SEM1: variants seen among roughly 807,000 people sequenced by gnomAD.
SEM1 encodes 26S proteasome complex subunit SEM1.
Under a neutral mutation model 12.7 loss-of-function variants are expected in SEM1, and 3 were observed. The observed-to-expected ratio is 0.24, with a 90% CI of 0.11 to 0.61. The LOEUF (loss-of-function observed/expected upper bound fraction) is 0.61, where lower values mean the gene tolerates loss of function less well. Ranked by LOEUF, SEM1 falls within the 20% of genes least tolerant of loss-of-function variation. SEM1 has a pLI of 0.88. For synonymous variants in SEM1, 30 were observed against 27.8 expected (o/e 1.08, Z -0.25); for missense variants, 59 against 81.3 (o/e 0.73, Z 1.06).
At chr7:96,565,711 A>T (rs1382385322) in intron 2 of SEM1, among the ~76,000 whole-genome samples, 6 of 151,884 alleles carry the variant, frequency 4.0e-5, no homozygotes, top group Admixed American at 6.6e-5. Context: ...AAAAAGCTTT[A>T]AAAAGAAGAC....
chr7:96,592,738 C>T (rs1032565642), intron 2 of SEM1, among the ~76,000 whole-genome samples: 1 of 151,838 alleles, frequency 6.6e-6, no homozygotes, highest in African/African-American at 2.4e-5. Flanking sequence ...AACAGGGTTT[C>T]AAGCTCCTCT....
chr7:96,572,554 C>T (rs1806071192), intron 2 of SEM1, among the ~76,000 whole-genome samples: 1 of 152,272 alleles, frequency 6.6e-6, no homozygotes, highest in East Asian at 1.9e-4. Context: ...AGTAGTCATT[C>T]AGGAGCAGGT....
At chr7:96,679,203 C>T (rs1789532975) in intron 2 of SEM1, among the ~76,000 whole-genome samples, 1 of 152,052 alleles carries the variant, frequency 6.6e-6, no homozygotes, top group Admixed American at 6.6e-5. Context: ...ACATTGTCAT[C>T]TCTGTGGCTC....
chr7:96,601,211 G>A (rs1047039018), intron 2 of SEM1, among the ~76,000 whole-genome samples: 1 of 152,158 alleles, frequency 6.6e-6, no homozygotes, highest in African/African-American at 2.4e-5. Flanking sequence ...CAGGAACTTG[G>A]AGTTCATTAA....
chr7:96,618,552 T>A (rs2116270524), downstream of SEM1, among the ~76,000 whole-genome samples: 1 of 152,324 alleles, frequency 6.6e-6, no homozygotes, highest in East Asian at 1.9e-4. Context: ...GTAGTCCCAG[T>A]GTCTCAAAGA....
chr7:96,522,629 G>C (rs1037545766), intron 2 of SEM1, among the ~76,000 whole-genome samples: 1 of 151,078 alleles, frequency 6.6e-6, no homozygotes, highest in Admixed American at 6.6e-5. Flanking sequence ...TGTAATCCCA[G>C]CACTTTGGGA....
At chr7:96,552,393 A>C (rs1160370305) in intron 2 of SEM1, among the ~76,000 whole-genome samples, 2 of 151,002 alleles carry the variant, frequency 1.3e-5, no homozygotes, top group African/African-American at 4.9e-5. Flanking sequence ...TCCTGTGTCC[A>C]TGTGATCTCA....
chr7:96,708,244 C>G (rs1232993105), intron 1 of SEM1: 6 of 152,236 alleles, frequency 3.9e-5, no homozygotes, highest in Admixed American at 2.0e-4. Context: ...ATAGATAAAT[C>G]CATTACCAAA....
chr7:96,522,426 G>A (rs1804305618), intron 2 of SEM1, among the ~76,000 whole-genome samples: 1 of 152,016 alleles, frequency 6.6e-6, no homozygotes, highest in Non-Finnish European at 1.5e-5. Flanking sequence ...TCAACTAGTA[G>A]GCACTGTTCT....
chr7:96,562,931 G>A (rs1274374249), intron 2 of SEM1, among the ~76,000 whole-genome samples: 1 of 152,186 alleles, frequency 6.6e-6, no homozygotes, highest in East Asian at 1.9e-4. Context: ...TTGCAAGCTA[G>A]GTTAAGGAGT....
intron 2 of SEM1, among the ~76,000 whole-genome samples, chr7:96,559,980 GA>G (rs2115907739): frequency 6.6e-6 from 1 of 152,222 alleles, no homozygotes; most frequent in East Asian, 1.9e-4. Context: ...ACACTCAATA[GA>G]AAAACCCAAA....
chr7:96,619,272 T>C (rs529850032), downstream of SEM1, among the ~76,000 whole-genome samples: 2 of 152,158 alleles, frequency 1.3e-5, no homozygotes. Flanking sequence ...TTTTCCTGAG[T>C]ATGTATGTAT....
intron 2 of SEM1, among the ~76,000 whole-genome samples, chr7:96,546,804 G>C (rs1805115501): frequency 6.6e-6 from 1 of 151,954 alleles, no homozygotes. Flanking sequence ...GGTGTGAGCT[G>C]TTGTTTAAGG....
intron 2 of SEM1, among the ~76,000 whole-genome samples, chr7:96,692,891 G>C (rs1789970778): frequency 6.6e-6 from 1 of 152,008 alleles, no homozygotes; most frequent in Non-Finnish European, 1.5e-5. Context: ...CAAGGCTCTG[G>C]ATAATTACAT....
intron 2 of SEM1, chr7:96,484,918 G>T: frequency 9.8e-7 from 1 of 1,016,914 alleles, no homozygotes; most frequent in Non-Finnish European, 1.3e-6. Context: ...GTCTTACCCT[G>T]GTGGAAATGG....
intron 2 of SEM1, among the ~76,000 whole-genome samples, chr7:96,679,283 A>C (rs981208227): frequency 2.0e-5 from 3 of 152,150 alleles, no homozygotes; most frequent in Non-Finnish European, 4.4e-5. Flanking sequence ...TATCCTGTCC[A>C]TTCCACTACT....
rs139251229 is a variant in SEM1, at chr7:96,598,094, A to C, written c.171-91396T>G. Among the ~76,000 whole-genome samples, 747 of 152,256 alleles carry C rather than the reference A, an allele frequency of 4.9e-3. 9 individuals are homozygous for C. The highest frequency in any genetic ancestry group is 0.017 in the African/African-American group (714 of 41,558). On this transcript the variant is annotated intron_variant and NMD_transcript_variant, in intron 2 of 3. Coordinates refer to the SEM1 transcript ENST00000466986. ...ATTTAATCCAAATCGCAACATTTTA[A>C]AGTCCTGGTCACTCTTAGAAACACC... is the stretch of plus-strand genomic sequence containing the variant.
upstream of SEM1, chr7:96,496,436 C>T (rs1014752663): frequency 5.2e-6 from 3 of 582,394 alleles, no homozygotes; most frequent in Non-Finnish European, 8.9e-6. Flanking sequence ...TTTATACTGC[C>T]CCCCCCAACA....
chr7:96,486,080 A>G, intron 2 of SEM1: 1 of 679,526 alleles, frequency 1.5e-6, no homozygotes, highest in Non-Finnish European at 2.5e-6. Flanking sequence ...ACGTGTAAAG[A>G]TCACGGTTGA....
Sources: gnomAD v4.1 joint callset for allele counts (sites outside exome capture counted in the v4.1 genomes callset) on GRCh38, gnomAD v4.1.1 for gene constraint, MANE v1.5 for transcripts, NCBI Gene and HGNC (gene_info 2026-07-23, HGNC 2026-07-21) for gene names.